MAML2: variants seen among roughly 807,000 people sequenced by gnomAD.
The protein encoded by MAML2 is mastermind like transcriptional coactivator 2.
A neutral mutation model predicts 96.1 loss-of-function variants in MAML2; 22 were observed. The ratio of observed to expected loss-of-function variants is 0.23; its 90% CI spans 0.16 to 0.33. The LOEUF (loss-of-function observed/expected upper bound fraction) is 0.33, where lower values mean the gene tolerates loss of function less well. MAML2 is among the 10% of genes least tolerant of loss of function. The pLI, the probability that MAML2 is intolerant of heterozygous loss-of-function variation, is 1.00. For missense variants in MAML2, 1,367 were observed against 1,392.4 expected, an observed-to-expected ratio of 0.98 and a Z score of 0.29; for synonymous variants, 561 against 521.3, an observed-to-expected ratio of 1.08 and a Z score of -1.04.
chr11:96,110,468 G>A (rs998170938), intron 1 of MAML2, among the ~76,000 whole-genome samples: 1 of 152,178 alleles, frequency 6.6e-6, no homozygotes, highest in African/African-American at 2.4e-5. Context: ...AATGCAGAGA[G>A]GCTGCAATTC....
chr11:96,254,391 CTTTTTTT>C (rs201328694), intron 1 of MAML2, among the ~76,000 whole-genome samples: 42 of 136,070 alleles, frequency 3.1e-4, no homozygotes, highest in Admixed American at 3.0e-3. Flanking sequence ...TGTTGCAGCT[CTTTTTTT>C]TTTTTTTTTT....
rs570804911 is a variant in MAML2, at chr11:96,165,379, T to C, written c.514-71862A>G. ...TTTCAGGAGATATCATTGATGGTGT[T>C]GGTCTGGCAAACACACTTTAAGAAC... On this transcript the variant is annotated intron_variant, in intron 1 of 4. Transcript: ENST00000524717. 1.9e-4 allele frequency among the ~76,000 whole-genome samples: 29 copies of C among 152,196 alleles called. 1 individual carries two copies. The highest frequency in any genetic ancestry group is 1.9e-3 in the Admixed American group (29 of 15,280).
In MAML2 at chr11:96,091,975, G is replaced by T; in HGVS notation, c.2056C>A (p.Leu686Ile). The change falls in exon 2 of 5, where the codon CTT (leucine) becomes ATT (isoleucine). Residue 686 changes from leucine to isoleucine, a missense_variant. Coordinates refer to ENST00000524717, the MANE Select transcript of MAML2 (RefSeq NM_032427.4). ...TGCTGAAGTAGGAGCTTTTGCTGAA[G>T]TGGCAAAGGTGACCTTAGCAAAGGC... The part of the protein sequence containing the change: ...SQPLLRSPLP[L>I]QQKLLLQQMQ... 1 of 1,605,068 alleles carries T rather than the reference G, an allele frequency of 6.2e-7. No homozygotes were observed. Among genetic ancestry groups the T allele is most frequent in the South Asian group, 1.1e-5 (1 of 89,092 alleles).
intron 1 of MAML2, among the ~76,000 whole-genome samples, chr11:96,237,025 T>C (rs1271270803): frequency 3.9e-5 from 6 of 152,212 alleles, no homozygotes; most frequent in Non-Finnish European, 7.3e-5. Flanking sequence ...GCTAATATTT[T>C]GCAGACCAAG....
intron 2 of MAML2, among the ~76,000 whole-genome samples, chr11:96,037,280 AAATAAG>A (rs1378120355): frequency 2.6e-5 from 4 of 152,234 alleles, no homozygotes; most frequent in African/African-American, 7.2e-5. Flanking sequence ...GCCCACAATA[AAATAAG>A]AATAAGTGCT....
At chr11:96,256,599 A>G (rs1862671574) in intron 1 of MAML2, among the ~76,000 whole-genome samples, 1 of 152,222 alleles carries the variant, frequency 6.6e-6, no homozygotes, top group Admixed American at 6.5e-5. Flanking sequence ...AATTACAAAC[A>G]AATAAGAACT....
At chr11:96,254,813 CT>C (rs1316317950) in intron 1 of MAML2, among the ~76,000 whole-genome samples, 3 of 151,954 alleles carry the variant, frequency 2.0e-5, no homozygotes, top group Non-Finnish European at 4.4e-5. Flanking sequence ...TTGAGGGCTC[CT>C]TTTTTTATTT....
intron 2 of MAML2, among the ~76,000 whole-genome samples, chr11:96,067,236 T>G (rs1044025624): frequency 2.6e-5 from 4 of 152,210 alleles, no homozygotes; most frequent in Non-Finnish European, 5.9e-5. Flanking sequence ...ACCATTTGCA[T>G]GCATTTTTCT....
intron 1 of MAML2, among the ~76,000 whole-genome samples, chr11:96,294,847 A>G (rs1483428224): frequency 6.6e-6 from 1 of 152,196 alleles, no homozygotes; most frequent in Non-Finnish European, 1.5e-5. Context: ...GCCCTCTGTC[A>G]CCAAGCTGCT....
At chr11:96,174,330 T>C (rs1230104187) in intron 1 of MAML2, among the ~76,000 whole-genome samples, 2 of 152,212 alleles carry the variant, frequency 1.3e-5, no homozygotes, top group African/African-American at 4.8e-5. Context: ...CCATCTATGG[T>C]GATTTCCCTC....
rs111785707 is a variant in MAML2 at position 96,064,873 on chromosome 11, T to C, written c.2139+27019A>G. Among the ~76,000 whole-genome samples, 496 of 152,382 alleles carry C rather than the reference T, an allele frequency of 3.3e-3. 3 individuals are homozygous for C. Among genetic ancestry groups the C allele is most frequent in the African/African-American group, 0.011 (461 of 41,594 alleles). ...CATAATCTTGGAAACAACTGATTTT[T>C]TCTCGCTTTTCATATAGAAGTTTTA... is the stretch of plus-strand genomic sequence containing the variant. On this transcript the variant is annotated intron_variant, in intron 2 of 4. Coordinates refer to ENST00000524717, the MANE Select transcript of MAML2 (RefSeq NM_032427.4).
intron 1 of MAML2, among the ~76,000 whole-genome samples, chr11:96,301,214 A>G (rs1322181569): frequency 6.6e-6 from 1 of 152,228 alleles, no homozygotes; most frequent in Non-Finnish European, 1.5e-5. Flanking sequence ...GAAATACACC[A>G]GTCAAAAGTT....
chr11:96,222,268 A>G (rs1407887411), intron 1 of MAML2, among the ~76,000 whole-genome samples: 1 of 152,184 alleles, frequency 6.6e-6, no homozygotes, highest in Non-Finnish European at 1.5e-5. Flanking sequence ...CACGCTGAAT[A>G]TGTTTATTAA....
intron 1 of MAML2, among the ~76,000 whole-genome samples, chr11:96,154,830 C>A (rs1860984649): frequency 6.6e-6 from 1 of 152,144 alleles, no homozygotes; most frequent in African/African-American, 2.4e-5. Flanking sequence ...TTAACCTATC[C>A]TAAAGGTGCC....
At chr11:96,248,926 T>C (rs1240772411) in intron 1 of MAML2, among the ~76,000 whole-genome samples, 3 of 152,340 alleles carry the variant, frequency 2.0e-5, no homozygotes, top group South Asian at 4.1e-4. Context: ...TTAAACTGTT[T>C]GTAGCTGGAA....
chr11:95,988,248 A>T (rs180679540), intron 3 of MAML2, among the ~76,000 whole-genome samples: 2 of 151,528 alleles, frequency 1.3e-5, no homozygotes, highest in Non-Finnish European at 2.9e-5. Flanking sequence ...TATATCTTCA[A>T]TCTAATTATT....
chr11:96,195,674 T>G (rs1332654701), intron 1 of MAML2, among the ~76,000 whole-genome samples: 2 of 152,200 alleles, frequency 1.3e-5, no homozygotes, highest in Non-Finnish European at 2.9e-5. Flanking sequence ...GGTAACCAAC[T>G]AGGACTTATA....
chr11:96,045,178 A>C (rs1305430668), intron 2 of MAML2, among the ~76,000 whole-genome samples: 1 of 152,192 alleles, frequency 6.6e-6, no homozygotes, highest in Non-Finnish European at 1.5e-5. Context: ...CTGGTGATTT[A>C]GGTCATATGG....
chr11:95,979,480 G>A lies in MAML2; in HGVS notation c.2939C>T (p.Thr980Met), dbSNP rs200584349. ...EGTSKQQEALTSAGVRFPTGT... is the reference protein window; with the variant it reads ...EGTSKQQEALMSAGVRFPTGT... Reference sequence around the variant, plus strand: ...TGTGGGGAAGCGGACTCCTGCAGACGTCAGGGCTTCTTGCTGTTTGCTTGT... The same window carrying A: ...TGTGGGGAAGCGGACTCCTGCAGACATCAGGGCTTCTTGCTGTTTGCTTGT... The change falls in exon 5 of 5, where the codon ACG (threonine) becomes ATG (methionine). Residue 980 changes from threonine to methionine, a missense_variant. Thr to Met is a moderately conservative substitution (Grantham distance 81). Coordinates refer to ENST00000524717, the MANE Select transcript of MAML2 (RefSeq NM_032427.4). 3.6e-5 allele frequency: 58 copies of A among 1,613,590 alleles called. No individual in the cohort carries two copies. Among genetic ancestry groups the A allele is most frequent in the Middle Eastern group, 1.7e-4 (1 of 6,056 alleles).
Sources: gnomAD v4.1 joint callset for allele counts (sites outside exome capture counted in the v4.1 genomes callset) on GRCh38, gnomAD v4.1.1 for gene constraint, MANE v1.5 for transcripts, NCBI Gene and HGNC (gene_info 2026-07-23, HGNC 2026-07-21) for gene names.